The following UNC5A variants were observed in gnomAD, a reference collection of about 807,000 sequenced individuals.
UNC5A encodes netrin receptor UNC5A.
In UNC5A, 20 loss-of-function variants were observed where a neutral mutation model predicts 87.4. The observed-to-expected ratio is 0.23, with a 90% CI of 0.16 to 0.33. The LOEUF is 0.33. Ranked by LOEUF, UNC5A falls within the 10% of genes least tolerant of loss-of-function variation. The probability of loss-of-function intolerance (pLI) is 1.00; values close to 1 mark genes in which losing one functional copy is unlikely to be tolerated. For synonymous variants in UNC5A, 438 were observed against 482.3 expected (o/e 0.91, Z 1.20); for missense variants, 844 against 1,133.4 (o/e 0.74, Z 3.67).
rs1369814567 is a variant in UNC5A at position 176,838,725 on chromosome 5, C to T, written c.71-23899C>T. Among the ~76,000 whole-genome samples the T allele has an allele frequency of 2.6e-5, 4 of 152,224 alleles. No individual in the cohort carries two copies. Among genetic ancestry groups the T allele is most frequent in the Non-Finnish European group, 4.4e-5 (3 of 68,044 alleles). Reference sequence around the variant, plus strand: ...TGGTACTGGGATGACTGCAGCAGCACAGCCCTCACATCCTCACCCCACACC... The same window carrying T: ...TGGTACTGGGATGACTGCAGCAGCATAGCCCTCACATCCTCACCCCACACC... On this transcript the variant is annotated intron_variant, in intron 1 of 14. Transcript: ENST00000329542. This position sits in a 1 kb window ranked among gnomAD's most constrained non-coding sequence, Gnocchi z 4.2.
At chr5:176,817,044 A>C (rs1234354795) in intron 1 of UNC5A, among the ~76,000 whole-genome samples, 1 of 152,218 alleles carries the variant, frequency 6.6e-6, no homozygotes, top group East Asian at 1.9e-4. Context: ...TCTGAGTGGC[A>C]GCTGCTCAGC....
chr5:176,880,232 C>T lies in UNC5A; in HGVS notation c.*346C>T. 2 of 219,196 alleles carry T rather than the reference C, an allele frequency of 9.1e-6. No individual in the cohort carries two copies. The highest frequency in any genetic ancestry group is 9.1e-6 in the Non-Finnish European group (1 of 109,642). The allele number at this position is 219,196 out of a possible 1,614,324, so 13.6% of individuals were successfully genotyped here. ...GGGGCCCCGCATACACACGGCCATG[C>T]ACGCACACACTGGGCCTGGGCCAGG... is the stretch of plus-strand genomic sequence containing the variant. On this transcript the variant is annotated 3_prime_UTR_variant, in exon 15 of 15. Coordinates refer to ENST00000329542, the MANE Select transcript of UNC5A (RefSeq NM_133369.3).
At chr5:176,879,559 G>A (rs1758364864) in intron 14 of UNC5A, 71 bp downstream of exon 14, 1 of 1,549,658 alleles carries the variant, frequency 6.5e-7, no homozygotes, top group Non-Finnish European at 8.7e-7. Context: ...GGGTGGGTGA[G>A]GTGGACAGGA....
chr5:176,841,003 C>T lies in UNC5A; in HGVS notation c.71-21621C>T, dbSNP rs770191960. 6.6e-6 allele frequency among the ~76,000 whole-genome samples: 1 copy of T among 152,220 alleles called. No individual in the cohort carries two copies. The highest frequency in any genetic ancestry group is 1.5e-5 in the Non-Finnish European group (1 of 68,046). ...AAGGTTTCCCCACTGGAAAACCATC[C>T]ACCTCCTTCACCGGAGAAGGGGGAT... is the stretch of plus-strand genomic sequence containing the variant. On this transcript the variant is annotated intron_variant, in intron 1 of 14. Coordinates refer to ENST00000329542, the MANE Select transcript of UNC5A (RefSeq NM_133369.3). This position sits in a 1 kb window ranked among gnomAD's most constrained non-coding sequence, Gnocchi z 4.1.
At chr5:176,812,040 T>C (rs972122463) in intron 1 of UNC5A, among the ~76,000 whole-genome samples, 1 of 152,064 alleles carries the variant, frequency 6.6e-6, no homozygotes, top group African/African-American at 2.4e-5. Flanking sequence ...CGCCCCATCC[T>C]GCCTCCTCAG....
intron 1 of UNC5A, among the ~76,000 whole-genome samples, chr5:176,817,881 A>G (rs1756632545): frequency 6.6e-6 from 1 of 151,788 alleles, no homozygotes; most frequent in Admixed American, 6.6e-5. Context: ...GCGCGGGGTA[A>G]TTAACGCGCT....
At chr5:176,867,129 C>T (rs545739107) in intron 2 of UNC5A, among the ~76,000 whole-genome samples, 4 of 152,316 alleles carry the variant, frequency 2.6e-5, no homozygotes, top group African/African-American at 9.6e-5. Context: ...ACATTGGCTG[C>T]CGGCCTCTCT....
chr5:176,835,321 CTCTG>C (rs933819254), intron 1 of UNC5A, among the ~76,000 whole-genome samples: 4 of 152,234 alleles, frequency 2.6e-5, no homozygotes, highest in African/African-American at 7.2e-5. Flanking sequence ...CCAGGCCTGC[CTCTG>C]TCTAAGTCTG....
intron 3 of UNC5A, 108 bp from the exon 4 acceptor site, chr5:176,868,453 C>T: frequency 6.9e-7 from 1 of 1,442,474 alleles, no homozygotes; most frequent in Non-Finnish European, 9.4e-7. Context: ...GGCCACCTGG[C>T]ACTTCCTCTG....
At chr5:176,836,168 G>A (rs1757144453) in intron 1 of UNC5A, among the ~76,000 whole-genome samples, 1 of 152,216 alleles carries the variant, frequency 6.6e-6, no homozygotes, top group Non-Finnish European at 1.5e-5. Context: ...TGATATGGAC[G>A]AAGTCTGGGG....
rs752387996 is a variant in UNC5A at position 176,879,931 on chromosome 5, C to T, written c.*45C>T. The T allele has an allele frequency of 1.3e-6, 2 of 1,579,166 alleles. No homozygotes were observed. Among genetic ancestry groups the T allele is most frequent in the South Asian group, 1.1e-5 (1 of 87,518 alleles). ...CTACACTCTCACCAGCTTTGGCACC[C>T]ACCAAGGACAGGCAGAAGCCGGACA... On this transcript the variant is annotated 3_prime_UTR_variant, in exon 15 of 15. Transcript: ENST00000329542.
chr5:176,867,843 C>T (rs980818646), intron 2 of UNC5A, among the ~76,000 whole-genome samples: 27 of 151,900 alleles, frequency 1.8e-4, no homozygotes, highest in African/African-American at 6.0e-4. Context: ...TAAGTGACTC[C>T]GGGGAGTCAG....
chr5:176,828,973 AC>A (rs1241102500), intron 1 of UNC5A, among the ~76,000 whole-genome samples: 1 of 152,160 alleles, frequency 6.6e-6, no homozygotes, highest in African/African-American at 2.4e-5. Flanking sequence ...TACTAAAAAT[AC>A]AAAAATTAGA....
rs1758221906 is a variant in UNC5A at position 176,874,825 on chromosome 5, G to A, written c.1378+259G>A. ...CCTACTTGTTCCAGTCTCCATGTGGGGCCCTGGGCCCAGAGGTAGGGCAAG... is the reference window on the plus strand; with the variant it reads ...CCTACTTGTTCCAGTCTCCATGTGGAGCCCTGGGCCCAGAGGTAGGGCAAG... On this transcript the variant is annotated intron_variant, in intron 8 of 14. Transcript: ENST00000329542. This position sits in a 1 kb window ranked among gnomAD's most constrained non-coding sequence, Gnocchi z 7.6. Among the ~76,000 whole-genome samples, 1 of 152,156 alleles carries A rather than the reference G, an allele frequency of 6.6e-6. No individual in the cohort carries two copies. The highest frequency in any genetic ancestry group is 1.9e-4 in the East Asian group (1 of 5,178).
intron 1 of UNC5A, among the ~76,000 whole-genome samples, chr5:176,834,976 G>A (rs1757118449): frequency 1.3e-5 from 2 of 152,258 alleles, no homozygotes; most frequent in Non-Finnish European, 2.9e-5. Context: ...GAGCTGGCAG[G>A]CTGGGCCCAT....
chr5:176,873,691 G>A (rs991528357), intron 6 of UNC5A, among the ~76,000 whole-genome samples: 4 of 152,184 alleles, frequency 2.6e-5, no homozygotes, highest in African/African-American at 7.2e-5. Context: ...TGGGGAAGTA[G>A]CTCTTCCCCT....
intron 1 of UNC5A, among the ~76,000 whole-genome samples, chr5:176,843,775 G>A (rs1021200234): frequency 2.0e-5 from 3 of 152,186 alleles, no homozygotes; most frequent in Non-Finnish European, 2.9e-5. Context: ...CAAGGAGGGC[G>A]CCTCTCCTCC....
chr5:176,844,584 G>A lies in UNC5A; in HGVS notation c.71-18040G>A, dbSNP rs957326644. Among the ~76,000 whole-genome samples the A allele has an allele frequency of 7.2e-5, 11 of 152,324 alleles. No individual in the cohort carries two copies. The highest frequency in any genetic ancestry group is 5.8e-4 in the East Asian group (3 of 5,186). On this transcript the variant is annotated intron_variant, in intron 1 of 14. Transcript: ENST00000329542. This position sits in a 1 kb window ranked among gnomAD's most constrained non-coding sequence, Gnocchi z 4.2. ...CGAAATTCACAGCCCACCGTGGCTC[G>A]GAGGAGCATGGGCTGGTGTGACCCT...
chr5:176,850,302 T>C (rs1278799387), intron 1 of UNC5A, among the ~76,000 whole-genome samples: 1 of 152,122 alleles, frequency 6.6e-6, no homozygotes, highest in East Asian at 1.9e-4. Flanking sequence ...ACTGCTGTGT[T>C]AGTTGTATGG....
Sources: allele counts gnomAD v4.1 joint callset (sites outside exome capture counted in the v4.1 genomes callset), GRCh38; gene constraint gnomAD v4.1.1; non-coding constraint Gnocchi (gnomAD v3.1); transcripts MANE v1.5; gene names NCBI Gene and HGNC (gene_info 2026-07-23, HGNC 2026-07-21).